Variants in ZNF106 observed in about 807,000 individuals in gnomAD.
ZNF106 encodes the protein SH3-domain binding protein 3.
ZNF106 carries 67 observed loss-of-function variants against 195.1 expected under a neutral mutation model. The observed-to-expected ratio is 0.34, with a 90% confidence interval of 0.28 to 0.42. The LOEUF (loss-of-function observed/expected upper bound fraction) is 0.42. Ranked by LOEUF, ZNF106 falls within the 10% of genes least tolerant of loss-of-function variation. The pLI, the probability that ZNF106 is intolerant of heterozygous loss-of-function variation, is 1.00. For synonymous variants in ZNF106, 784 were observed against 818.6 expected, an observed-to-expected ratio of 0.96 and a Z score of 0.72; for missense variants, 2,118 against 2,304.5, an observed-to-expected ratio of 0.92 and a Z score of 1.66.
intron 1 of ZNF106, among the ~76,000 whole-genome samples, chr15:42,477,019 G>A (rs1233294086): frequency 6.6e-6 from 1 of 152,146 alleles, no homozygotes; most frequent in Non-Finnish European, 1.5e-5. Context: ...GCTATAGATG[G>A]ATTACTGACT....
At chr15:42,442,043 T>G (rs772202593) in intron 10 of ZNF106, 30 bp downstream of exon 10, 1 of 1,549,832 alleles carries the variant, frequency 6.5e-7, no homozygotes, top group South Asian at 1.2e-5. Flanking sequence ...ACTACTGGGA[T>G]GCCCTTAACC....
At chr15:42,478,843 T>C (rs2056840737) in intron 1 of ZNF106, among the ~76,000 whole-genome samples, 1 of 152,112 alleles carries the variant, frequency 6.6e-6, no homozygotes, top group Admixed American at 6.6e-5. Flanking sequence ...TCCTACCTTT[T>C]TTCTCTTCCA....
At chr15:42,466,021 C>T in intron 3 of ZNF106, 32 bp downstream of exon 3, 1 of 1,516,914 alleles carries the variant, frequency 6.6e-7, no homozygotes, top group Admixed American at 2.1e-5. Flanking sequence ...CACCCACATT[C>T]ACAAACTTAT....
rs1485147801 is a variant in ZNF106, at chr15:42,423,979, C to T, written c.5253+19G>A. On this transcript the variant is annotated intron_variant, in intron 17 of 21. Coordinates refer to ENST00000564754, the MANE Select transcript of ZNF106 (RefSeq NM_001366845.3). ...TTATTTTATTCACAGTTTCTTTACA[C>T]AACACCAACACAGCTTACGTGAATG... The T allele has an allele frequency of 1.9e-6, 3 of 1,590,876 alleles. No homozygotes were observed. Among genetic ancestry groups the T allele is most frequent in the Admixed American group, 1.9e-5 (1 of 53,528 alleles).
chr15:42,444,059 C>A, intron 9 of ZNF106, 143 bp downstream of exon 9: 1 of 531,814 alleles, frequency 1.9e-6, no homozygotes, highest in East Asian at 3.3e-5. Context: ...TTGCAGTGAG[C>A]AGAGATTGCA....
At chr15:42,474,112 A>C (rs1397452166) in intron 1 of ZNF106, among the ~76,000 whole-genome samples, 4 of 152,192 alleles carry the variant, frequency 2.6e-5, no homozygotes, top group Admixed American at 2.6e-4. Context: ...AGTGAGACCA[A>C]TACATACACC....
rs1335194797 is a variant in ZNF106 at position 42,439,276 on chromosome 15, T to C, written c.4301A>G (p.Glu1434Gly). 3.1e-6 allele frequency: 5 copies of C among 1,614,078 alleles called. No individual in the cohort carries two copies. Among genetic ancestry groups the C allele is most frequent in the Non-Finnish European group, 3.4e-6 (4 of 1,180,060 alleles). The change falls in exon 11 of 22, where the codon GAG becomes GGG. Residue 1434 changes from glutamate (E) to glycine (G), a missense_variant. By Grantham distance (98) the Glu-to-Gly change is moderately conservative. Coordinates refer to ENST00000564754, the MANE Select transcript of ZNF106 (RefSeq NM_001366845.3). ...ACTATCTGGCTCATCTCTGACACTC[T>C]CCTGCTCCCGACCAGTCCTGCTGTC... ...WEDSRTGREQ[E>G]SVRDEPDSDS...
At chr15:42,456,932 C>CT (rs1325619910) in intron 4 of ZNF106, 26 bp downstream of exon 4, 13 of 1,596,554 alleles carry the variant, frequency 8.1e-6, no homozygotes, top group East Asian at 4.5e-5. Flanking sequence ...TATAGATAGG[C>CT]TTTTTTTAAA....
At chr15:42,467,996 A>G (rs1198481866) in intron 2 of ZNF106, among the ~76,000 whole-genome samples, 1 of 152,076 alleles carries the variant, frequency 6.6e-6, no homozygotes, top group Non-Finnish European at 1.5e-5. Flanking sequence ...TGTCAAAAAC[A>G]ATACAACACA....
Position 42,442,070 on chromosome 15 carries a change from T to C in ZNF106, c.3763+3A>G, listed in dbSNP as rs147978542. ...CCCTTAACCCAGAGAAAAGCTTACA[T>C]ACTATTAGCTTCCAGTAATTCCTTG... is the stretch of plus-strand genomic sequence containing the variant. On this transcript the variant is annotated splice_donor_region_variant and intron_variant, in intron 10 of 21. Coordinates refer to ENST00000564754, the MANE Select transcript of ZNF106 (RefSeq NM_001366845.3). The C allele has an allele frequency of 6.2e-7, 1 of 1,602,824 alleles. No homozygotes were observed. Among genetic ancestry groups the C allele is most frequent in the African/African-American group, 1.3e-5 (1 of 74,488 alleles).
intron 7 of ZNF106, 133 bp from the exon 8 acceptor site, chr15:42,445,114 TA>T: frequency 9.3e-7 from 1 of 1,075,350 alleles, no homozygotes; most frequent in Non-Finnish European, 1.3e-6. Context: ...TGGAAATTCA[TA>T]AAACATTTAG....
At chr15:42,462,326 G>C (rs923821784) in intron 3 of ZNF106, among the ~76,000 whole-genome samples, 2 of 152,164 alleles carry the variant, frequency 1.3e-5, no homozygotes, top group African/African-American at 4.8e-5. Flanking sequence ...GGCCAGGCGC[G>C]GTGGCTCACG....
At position 42,448,588 on chromosome 15, in the gene ZNF106, C is replaced by T. The variant is rs746238230; in HGVS notation, c.2619G>A (p.Ser873=). 3.7e-5 allele frequency: 59 copies of T among 1,614,016 alleles called. No individual in the cohort carries two copies. The highest frequency in any genetic ancestry group is 3.1e-4 in the South Asian group (28 of 91,082). Residue 873 remains serine (S), a synonymous_variant, in exon 6 of 22, where the codon TCG becomes TCA. Coordinates refer to ENST00000564754, the MANE Select transcript of ZNF106 (RefSeq NM_001366845.3). ...TTCGCTTTCTTGCCAAGCCAGGGGACGAGGAAATGGAAACACCTTCCCACT... is the reference window on the plus strand; with the variant it reads ...TTCGCTTTCTTGCCAAGCCAGGGGATGAGGAAATGGAAACACCTTCCCACT... ...GFQWEGVSIS[S]SPGLARKRSL... is the part of the protein sequence containing the mutation.
chr15:42,488,313 T>C (rs889907433), intron 1 of ZNF106, among the ~76,000 whole-genome samples: 2 of 152,122 alleles, frequency 1.3e-5, no homozygotes, highest in Non-Finnish European at 2.9e-5. Flanking sequence ...ATATGGGAGG[T>C]CACTCAATAT....
Position 42,450,679 on chromosome 15 carries a change from A to G in ZNF106, c.1593T>C (p.Ser531=), listed in dbSNP as rs1567017507. 1 of 1,614,194 alleles carries G rather than the reference A, an allele frequency of 6.2e-7. No homozygotes were observed. Among genetic ancestry groups the G allele is most frequent in the Non-Finnish European group, 8.5e-7 (1 of 1,180,026 alleles). ...NHGPYISKLR[S]SCPHVLKGNK... ...TCCCTTTTAAAACATGAGGACATGA[A>G]CTACGCAGTTTGGATATGTAAGGAC... Residue 531 remains serine, a synonymous_variant, in exon 5 of 22, where the codon AGT becomes AGC. Transcript: ENST00000564754.
intron 14 of ZNF106, among the ~76,000 whole-genome samples, chr15:42,428,613 T>C (rs1376514381): frequency 6.6e-6 from 1 of 152,192 alleles, no homozygotes; most frequent in African/African-American, 2.4e-5. Context: ...GCTAAATTAC[T>C]CAAGAGGCTT....
chr15:42,432,087 T>TA (rs1250266231), intron 14 of ZNF106, among the ~76,000 whole-genome samples: 5 of 152,232 alleles, frequency 3.3e-5, no homozygotes, highest in African/African-American at 1.2e-4. Context: ...CCTGTACTTA[T>TA]AATTGTTATA....
chr15:42,448,098 T>C lies in ZNF106; in HGVS notation c.3109A>G (p.Ile1037Val). The change falls in exon 6 of 22, where the codon ATT becomes GTT. Residue 1037 changes from isoleucine (I) to valine (V), a missense_variant. Coordinates refer to ENST00000564754, the MANE Select transcript of ZNF106 (RefSeq NM_001366845.3). The stretch of plus-strand genomic sequence containing the variant: ...CCAGTGGCTCTTCGTTTCTTTCTAA[T>C]ACTTTGGCCATCATTTTGTTCAGCA... Reference protein sequence around the residue: ...SGAEQNDGQSIRKKRRATGDG... With the variant: ...SGAEQNDGQSVRKKRRATGDG... 4 of 1,613,478 alleles carry C rather than the reference T, an allele frequency of 2.5e-6. No homozygotes were observed. The highest frequency in any genetic ancestry group is 3.4e-6 in the Non-Finnish European group (4 of 1,179,606).
rs2054319639 is a variant in ZNF106 at position 42,412,977 on chromosome 15, C to G, written c.*4327G>C. Reference sequence around the variant, plus strand: ...TGTCATCTGATTTCATTCTTCTAATCCATATTCAATATTAAAAAAATCAGA... The same window carrying G: ...TGTCATCTGATTTCATTCTTCTAATGCATATTCAATATTAAAAAAATCAGA... On this transcript the variant is annotated 3_prime_UTR_variant, in exon 22 of 22. Coordinates refer to ENST00000564754, the MANE Select transcript of ZNF106 (RefSeq NM_001366845.3). 1 of 152,120 alleles carries G rather than the reference C, an allele frequency of 6.6e-6. No individual in the cohort carries two copies. Among genetic ancestry groups the G allele is most frequent in the South Asian group, 2.1e-4 (1 of 4,816 alleles). The allele number at this position is 152,120 out of a possible 1,614,324, so 9.4% of individuals were successfully genotyped here.
Sources: gnomAD v4.1 joint callset for allele counts (sites outside exome capture counted in the v4.1 genomes callset) on GRCh38, gnomAD v4.1.1 for gene constraint, MANE v1.5 for transcripts, NCBI Gene and HGNC (gene_info 2026-07-23, HGNC 2026-07-21) for gene names.